MIEF2: variants seen among roughly 807,000 people sequenced by gnomAD.
MIEF2 encodes mitochondrial elongation factor 2, also known as mitochondrial dynamics protein MID49.
In MIEF2, 1 loss-of-function variant was observed where a neutral mutation model predicts 7.4. The observed-to-expected ratio is 0.14, with a 90% CI of 0.05 to 0.64. The LOEUF (loss-of-function observed/expected upper bound fraction) is 0.64. Ranked by LOEUF, MIEF2 falls within the 30% of genes least tolerant of loss-of-function variation. The probability of loss-of-function intolerance (pLI) is 0.85; values close to 1 mark genes in which losing one functional copy is unlikely to be tolerated. For missense variants in MIEF2, 569 were observed against 623.9 expected, an observed-to-expected ratio of 0.91 and a Z score of 0.94; for synonymous variants, 275 against 290.5, an observed-to-expected ratio of 0.95 and a Z score of 0.54.
chr17:18,262,573 A>C, intron 1 of MIEF2, 141 bp from the exon 2 acceptor site: 1 of 755,076 alleles, frequency 1.3e-6, no homozygotes, highest in Non-Finnish European at 1.9e-6. Context: ...CCTTTCTCTG[A>C]GAAATTCTCA....
chr17:18,263,522 A>C (rs1045817151), intron 3 of MIEF2, 188 bp from the exon 4 acceptor site: 4 of 884,996 alleles, frequency 4.5e-6, no homozygotes, highest in Non-Finnish European at 6.9e-6. Context: ...AGGGTGTTGG[A>C]CTCTGGGGCA....
chr17:18,262,572 G>C (rs567895603), intron 1 of MIEF2, 142 bp from the exon 2 acceptor site: 1 of 760,648 alleles, frequency 1.3e-6, no homozygotes, highest in African/African-American at 1.8e-5. Context: ...CCCTTTCTCT[G>C]AGAAATTCTC....
chr17:18,263,928 G>C lies in MIEF2; in HGVS notation c.529G>C (p.Val177Leu), dbSNP rs1455276698. The C allele has an allele frequency of 6.3e-7, 1 of 1,596,154 alleles. No homozygotes were observed. The highest frequency in any genetic ancestry group is 8.5e-7 in the Non-Finnish European group (1 of 1,175,868). Reference protein sequence around the residue: ...KFPELPFGAFVPGGPLYDGLQ... With the variant: ...KFPELPFGAFLPGGPLYDGLQ... ...CCCGGAACTGCCCTTTGGGGCATTC[G>C]TGCCTGGGGGGCCGCTCTACGACGG... is the stretch of plus-strand genomic sequence containing the variant. The change falls in exon 4 of 4, where the codon GTG becomes CTG. Residue 177 changes from valine to leucine, a missense_variant. Val to Leu is a conservative substitution (Grantham distance 32, BLOSUM62 1). Coordinates refer to ENST00000323019, the MANE Select transcript of MIEF2 (RefSeq NM_139162.4).
chr17:18,261,273 T>C, intron 1 of MIEF2: 4 of 1,321,398 alleles, frequency 3.0e-6, no homozygotes, highest in Non-Finnish European at 4.2e-6. Context: ...AAACCGGCCC[T>C]GGGGCCGTGG....
chr17:18,263,768 G>T lies in MIEF2; in HGVS notation c.369G>T (p.Leu123=). Residue 123 remains leucine (L), a synonymous_variant, in exon 4 of 4, where the codon CTG becomes CTT. Coordinates refer to ENST00000323019, the MANE Select transcript of MIEF2 (RefSeq NM_139162.4). ...VTPQLSSPAP[L]CLTLQERLLA... ...CACAGCTCAGCTCCCCAGCACCGCT[G>T]TGTCTGACACTGCAGGAGAGGCTGC... 6.2e-7 allele frequency: 1 copy of T among 1,608,666 alleles called. No homozygotes were observed.
chr17:18,262,958 C>T, intron 2 of MIEF2, 91 bp downstream of exon 2: 1 of 1,531,060 alleles, frequency 6.5e-7, no homozygotes, highest in Non-Finnish European at 8.8e-7. Context: ...GGGGTGGGGA[C>T]TGCCCAAGGC....
rs753599313 is a variant in MIEF2, at chr17:18,264,786, C to T, written c.*22C>T. The T allele has an allele frequency of 1.3e-5, 20 of 1,584,476 alleles. No individual in the cohort carries two copies. Among genetic ancestry groups the T allele is most frequent in the Admixed American group, 1.7e-5 (1 of 57,424 alleles). ...CTAGGTGGGTGGAAACGGGTGGTTGCCATGTTTTCTAATGCTGGGGAGCTG... is the reference window on the plus strand; with the variant it reads ...CTAGGTGGGTGGAAACGGGTGGTTGTCATGTTTTCTAATGCTGGGGAGCTG... On this transcript the variant is annotated 3_prime_UTR_variant, in exon 4 of 4. Coordinates refer to ENST00000323019, the MANE Select transcript of MIEF2 (RefSeq NM_139162.4).
Position 18,264,187 on chromosome 17 carries a change from C to T in MIEF2, c.788C>T (p.Ala263Val). 6.3e-7 allele frequency: 1 copy of T among 1,597,992 alleles called. No individual in the cohort carries two copies. The highest frequency in any genetic ancestry group is 2.2e-5 in the East Asian group (1 of 44,714). The change falls in exon 4 of 4, where the codon GCT becomes GTT. Residue 263 changes from alanine (A) to valine (V), a missense_variant. Ala to Val is a moderately conservative substitution (Grantham distance 64). Transcript: ENST00000323019. Reference protein sequence around the residue: ...VLLELLRKALAASVNWPAIGS... With the variant: ...VLLELLRKALVASVNWPAIGS... Reference sequence around the variant, plus strand: ...CTGGAGCTACTCCGCAAGGCGCTGGCTGCTTCTGTCAACTGGCCGGCCATT... The same window carrying T: ...CTGGAGCTACTCCGCAAGGCGCTGGTTGCTTCTGTCAACTGGCCGGCCATT...
At chr17:18,263,463 C>T (rs1356078801) in intron 3 of MIEF2, 2 of 870,366 alleles carry the variant, frequency 2.3e-6, no homozygotes, top group African/African-American at 3.3e-5. Context: ...AAACTGAGGT[C>T]CAGAGGGGCG....
chr17:18,264,721 A>G lies in MIEF2; in HGVS notation c.1322A>G (p.Tyr441Cys), dbSNP rs1182520847. 3.1e-6 allele frequency: 5 copies of G among 1,612,558 alleles called. No individual in the cohort carries two copies. The highest frequency in any genetic ancestry group is 3.3e-5 in the Admixed American group (2 of 59,976). ...GAGGAGGAGATTGACGACATTGGCT[A>G]TGCGCTATACAGTGGCCTACAGGAG... ...LREEEIDDIG[Y>C]ALYSGLQEPE... The change falls in exon 4 of 4, where the codon TAT becomes TGT. Residue 441 changes from tyrosine (Y) to cysteine (C), a missense_variant. Physicochemically the swap from Tyr to Cys is radical, Grantham distance 194. Transcript: ENST00000323019.
intron 2 of MIEF2, 105 bp downstream of exon 2, chr17:18,262,972 C>A: frequency 6.5e-7 from 1 of 1,543,518 alleles, no homozygotes; most frequent in Non-Finnish European, 8.8e-7. Flanking sequence ...CCAAGGCCTT[C>A]ATGGGAGCCC....
intron 1 of MIEF2, among the ~76,000 whole-genome samples, chr17:18,261,866 C>A (rs2142901970): frequency 6.6e-6 from 1 of 152,394 alleles, no homozygotes; most frequent in East Asian, 1.9e-4. Context: ...TGTACAGAGG[C>A]ACTGGGCAGC....
rs1030995547 is a variant in MIEF2, at chr17:18,265,470, C to T, written c.*706C>T. 6.6e-6 allele frequency: 1 copy of T among 152,310 alleles called. No individual in the cohort carries two copies. Among genetic ancestry groups the T allele is most frequent in the African/African-American group, 2.4e-5 (1 of 41,462 alleles). 9.4% of individuals were successfully genotyped at this position (152,310 alleles called of 1,614,324 possible). On this transcript the variant is annotated 3_prime_UTR_variant, in exon 4 of 4. Coordinates refer to ENST00000323019, the MANE Select transcript of MIEF2 (RefSeq NM_139162.4). Reference sequence around the variant, plus strand: ...GGAGCTGAGGCTCTGTGCTGCACCCCCAGCCCACAGCTGGGGCATCTCACT... The same window carrying T: ...GGAGCTGAGGCTCTGTGCTGCACCCTCAGCCCACAGCTGGGGCATCTCACT...
Position 18,264,179 on chromosome 17 carries a change from G to A in MIEF2, c.780G>A (p.Lys260=), listed in dbSNP as rs2142906985. The change falls in exon 4 of 4, where the codon AAG becomes AAA. Residue 260 remains lysine, a synonymous_variant. Transcript: ENST00000323019. The part of the protein sequence containing the change: ...SSRVLLELLR[K]ALAASVNWPA... ...GCGTCCTGCTGGAGCTACTCCGCAAGGCGCTGGCTGCTTCTGTCAACTGGC... is the reference window on the plus strand; with the variant it reads ...GCGTCCTGCTGGAGCTACTCCGCAAAGCGCTGGCTGCTTCTGTCAACTGGC... 2 of 1,594,480 alleles carry A rather than the reference G, an allele frequency of 1.3e-6. No homozygotes were observed. Among genetic ancestry groups the A allele is most frequent in the Non-Finnish European group, 1.7e-6 (2 of 1,175,376 alleles).
At position 18,260,868 on chromosome 17, in the gene MIEF2, C is replaced by T. The variant is rs542617730; in HGVS notation, c.-8+131C>T. ...GGCGGGGAGGGGACCTTTGGGGGAC[C>T]AAGGGCAGCGTTCGAATCCTAGCCC... is the stretch of plus-strand genomic sequence containing the variant. On this transcript the variant is annotated intron_variant, in intron 1 of 3. Transcript: ENST00000323019. 1.2e-4 allele frequency: 66 copies of T among 534,228 alleles called. No individual in the cohort carries two copies. In the Middle Eastern group the frequency reaches 3.0e-3, roughly 24 times the overall value. The allele number at this position is 534,228 out of a possible 1,614,324, so 33.1% of individuals were successfully genotyped here. A position where few individuals can be genotyped will look rare whatever the true frequency, so the allele number is the denominator to read the frequency against.
rs1180053534 is a variant in MIEF2 at position 18,262,717 on chromosome 17, G to A, written c.-4G>A. The A allele has an allele frequency of 6.2e-7, 1 of 1,604,094 alleles. No homozygotes were observed. On this transcript the variant is annotated 5_prime_UTR_variant, in exon 2 of 4. Transcript: ENST00000323019. ...TTCACCCCTGGCTCTCTTACAGGCA[G>A]ACCATGGCAGAGTTCTCCCAGAAAC...
Position 18,264,818 on chromosome 17 carries a change from C to T in MIEF2, c.*54C>T. ...TTCTAATGCTGGGGAGCTGCACCCA[C>T]CTCCCTTCCAGGGATTTGAATAGTG... On this transcript the variant is annotated 3_prime_UTR_variant, in exon 4 of 4. Coordinates refer to ENST00000323019, the MANE Select transcript of MIEF2 (RefSeq NM_139162.4). 1.9e-6 allele frequency: 3 copies of T among 1,556,778 alleles called. No homozygotes were observed. The highest frequency in any genetic ancestry group is 1.7e-6 in the Non-Finnish European group (2 of 1,149,476).
rs201093956 is a variant in MIEF2, at chr17:18,262,695, A to C, written c.-7-19A>C. On this transcript the variant is annotated intron_variant, in intron 1 of 3. Transcript: ENST00000323019. ...CCACCTGCACCTGAGCTGCCCCTTC[A>C]CCCCTGGCTCTCTTACAGGCAGACC... The C allele has an allele frequency of 1.2e-4, 192 of 1,568,402 alleles. 1 individual carries two copies. Among genetic ancestry groups the C allele is most frequent in the Admixed American group, 6.9e-4 (37 of 53,594 alleles).
chr17:18,261,282 G>T, intron 1 of MIEF2: 1 of 1,244,884 alleles, frequency 8.0e-7, no homozygotes. Flanking sequence ...CTGGGGCCGT[G>T]GCGGGTCACC....
Sources: gnomAD v4.1 joint callset for allele counts (sites outside exome capture counted in the v4.1 genomes callset) on GRCh38, gnomAD v4.1.1 for gene constraint, MANE v1.5 for transcripts, NCBI Gene and HGNC (gene_info 2026-07-23, HGNC 2026-07-21) for gene names.